LRFN2: variants seen among roughly 807,000 people sequenced by gnomAD.
The protein encoded by LRFN2 is leucine rich repeat and fibronectin type III domain containing 2.
A neutral mutation model predicts 37.3 loss-of-function variants in LRFN2; 18 were observed. The observed-to-expected ratio is 0.48, with a 90% CI of 0.33 to 0.72. The LOEUF is 0.72. Among genes scored for constraint, LRFN2 ranks in the 30% least tolerant of loss-of-function variants. LRFN2 has a pLI of 0.02. For synonymous variants in LRFN2, 556 were observed against 466.6 expected, an observed-to-expected ratio of 1.19 and a Z score of -2.47; for missense variants, 1,006 against 1,060.7, an observed-to-expected ratio of 0.95 and a Z score of 0.72.
intron 1 of LRFN2, among the ~76,000 whole-genome samples, chr6:40,549,406 T>C (rs1766727777): frequency 1.3e-5 from 2 of 152,190 alleles, no homozygotes; most frequent in Non-Finnish European, 2.9e-5. Flanking sequence ...ATGTACCTGA[T>C]AAAGCTATGG....
At chr6:40,408,365 C>T (rs554164371) in intron 2 of LRFN2, among the ~76,000 whole-genome samples, 1 of 152,146 alleles carries the variant, frequency 6.6e-6, no homozygotes, top group Non-Finnish European at 1.5e-5. Flanking sequence ...CAGTCACCCT[C>T]GGCAGGGGCT....
chr6:40,553,481 A>G (rs1766814867), intron 1 of LRFN2, among the ~76,000 whole-genome samples: 1 of 152,188 alleles, frequency 6.6e-6, no homozygotes, highest in South Asian at 2.1e-4. Context: ...GCAAACACCA[A>G]GTTCAGGTGA....
At chr6:40,544,209 C>A (rs1020566608) in intron 1 of LRFN2, among the ~76,000 whole-genome samples, 2 of 152,240 alleles carry the variant, frequency 1.3e-5, no homozygotes, top group African/African-American at 4.8e-5. Flanking sequence ...AACCCTTATA[C>A]CAGGCAAGCA....
At chr6:40,428,124 A>G (rs1472330637) in intron 2 of LRFN2, among the ~76,000 whole-genome samples, 1 of 152,208 alleles carries the variant, frequency 6.6e-6, no homozygotes, top group Non-Finnish European at 1.5e-5. Context: ...TGCACATAGG[A>G]CCCTTAGAAT....
chr6:40,492,008 C>T (rs1765105364), intron 1 of LRFN2, among the ~76,000 whole-genome samples: 2 of 134,434 alleles, frequency 1.5e-5, no homozygotes, highest in South Asian at 2.7e-4. Context: ...AGGTAGGCAG[C>T]TTACCCTCTC....
chr6:40,458,385 T>TA (rs372848550), intron 1 of LRFN2, among the ~76,000 whole-genome samples: 1 of 152,254 alleles, frequency 6.6e-6, no homozygotes, highest in Non-Finnish European at 1.5e-5. Context: ...ACTTTTATTT[T>TA]AAAAAAGTAC....
rs1766877566 is a variant in LRFN2 at position 40,556,346 on chromosome 6, G to A, written c.-19+30595C>T. On this transcript the variant is annotated intron_variant, in intron 1 of 2. Transcript: ENST00000338305. ...CCTGACAGGCCCCTCTTGCCCTACA[G>A]CAGGGGCCCTTCTGCTCAGAAGGAT... 2.0e-5 allele frequency among the ~76,000 whole-genome samples: 3 copies of A among 152,194 alleles called. No individual in the cohort carries two copies. The South Asian group carries it at 6.2e-4, about 32-fold the overall frequency.
intron 2 of LRFN2, among the ~76,000 whole-genome samples, chr6:40,405,733 C>T (rs1762831858): frequency 6.6e-6 from 1 of 152,132 alleles, no homozygotes; most frequent in Non-Finnish European, 1.5e-5. Context: ...CTCCAACCCC[C>T]CATGAAACTA....
chr6:40,474,546 G>A (rs1159354118), intron 1 of LRFN2, among the ~76,000 whole-genome samples: 1 of 152,136 alleles, frequency 6.6e-6, no homozygotes, highest in East Asian at 1.9e-4. Context: ...CTGGAGTGCG[G>A]TGGCACGATC....
chr6:40,530,335 T>C (rs191887921), intron 1 of LRFN2, among the ~76,000 whole-genome samples: 5 of 152,278 alleles, frequency 3.3e-5, no homozygotes, highest in Non-Finnish European at 1.5e-5. Context: ...TCACACGCAG[T>C]TCCAGAAATG....
chr6:40,500,720 T>C (rs1355846489), intron 1 of LRFN2, among the ~76,000 whole-genome samples: 1 of 152,188 alleles, frequency 6.6e-6, no homozygotes, highest in Admixed American at 6.5e-5. Flanking sequence ...AGAAAAATAA[T>C]GTGCTACAAG....
At chr6:40,584,584 T>TC (rs1767467265) in intron 1 of LRFN2, among the ~76,000 whole-genome samples, 1 of 152,086 alleles carries the variant, frequency 6.6e-6, no homozygotes, top group Admixed American at 6.5e-5. Flanking sequence ...TCTAGCAGCC[T>TC]CCCCCATCAG....
intron 1 of LRFN2, among the ~76,000 whole-genome samples, chr6:40,453,915 C>G (rs555453863): frequency 6.6e-6 from 1 of 152,260 alleles, no homozygotes; most frequent in African/African-American, 2.4e-5. Flanking sequence ...AAAACACCAG[C>G]TAGCCTCTCC....
chr6:40,477,969 G>A (rs1764744436), intron 1 of LRFN2, among the ~76,000 whole-genome samples: 3 of 152,228 alleles, frequency 2.0e-5, no homozygotes, highest in Admixed American at 2.0e-4. Flanking sequence ...CCGTGAATAT[G>A]GTAAACCTGT....
chr6:40,515,223 C>T (rs1048113632), intron 1 of LRFN2, among the ~76,000 whole-genome samples: 3 of 152,178 alleles, frequency 2.0e-5, no homozygotes, highest in Admixed American at 6.5e-5. Context: ...CAGAGGGATG[C>T]TGAGGGAGGC....
chr6:40,531,602 C>T (rs1053128953), intron 1 of LRFN2, among the ~76,000 whole-genome samples: 2 of 151,936 alleles, frequency 1.3e-5, no homozygotes, highest in Admixed American at 1.3e-4. Context: ...TGATTCGTTG[C>T]CCCCTCCCTC....
At chr6:40,543,847 T>C (rs1380080453) in intron 1 of LRFN2, among the ~76,000 whole-genome samples, 2 of 152,248 alleles carry the variant, frequency 1.3e-5, no homozygotes, top group African/African-American at 4.8e-5. Context: ...ACAGTGCTCC[T>C]GTTGAGAGTG....
At chr6:40,474,839 A>C (rs1199928729) in intron 1 of LRFN2, among the ~76,000 whole-genome samples, 2 of 152,216 alleles carry the variant, frequency 1.3e-5, no homozygotes, top group East Asian at 1.9e-4. Flanking sequence ...TCATATTCTA[A>C]GGTTCCAAGT....
chr6:40,578,664 A>G (rs200241212), intron 1 of LRFN2, among the ~76,000 whole-genome samples: 1 of 152,170 alleles, frequency 6.6e-6, no homozygotes, highest in South Asian at 2.1e-4. Context: ...AAATACCACT[A>G]TTTCTACTAC....
Sources: gnomAD v4.1 joint callset for allele counts (sites outside exome capture counted in the v4.1 genomes callset) on GRCh38, gnomAD v4.1.1 for gene constraint, MANE v1.5 for transcripts, NCBI Gene and HGNC (gene_info 2026-07-23, HGNC 2026-07-21) for gene names.